The following TRIM33 variants were observed in gnomAD, a reference collection of about 807,000 sequenced individuals.
TRIM33 encodes the protein E3 ubiquitin-protein ligase TRIM33.
In TRIM33, 20 loss-of-function variants were observed where a neutral mutation model predicts 125.4. The observed-to-expected ratio is 0.16, with a 90% CI of 0.11 to 0.23. The LOEUF is 0.23. TRIM33 is among the 10% of genes least tolerant of loss of function. The pLI is 1.00. For synonymous variants in TRIM33, 564 were observed against 513.9 expected (o/e 1.10, Z -1.32); for missense variants, 920 against 1,411.4 (o/e 0.65, Z 5.58).
chr1:114,510,869 C>A lies in TRIM33; in HGVS notation c.208G>T (p.Ala70Ser), dbSNP rs1468308898. The change falls in exon 1 of 20, where the codon GCC (alanine) becomes TCC (serine). Residue 70 changes from alanine to serine, a missense_variant. By Grantham distance (99) the Ala-to-Ser change is moderately conservative. Around this residue, in one of 8 missense-constraint regions of TRIM33, gnomAD observed 233 missense variants for 189.6 expected, o/e 1.23. Transcript: ENST00000358465. ...GCAGCCTGGGCCGAGCCCGAGGAGGCCGCGGCCACCCCCCCGTCGTCGGGC... is the reference window on the plus strand; with the variant it reads ...GCAGCCTGGGCCGAGCCCGAGGAGGACGCGGCCACCCCCCCGTCGTCGGGC... ...AGPDDGGVAAASSGSAQAASS... is the reference protein window; with the variant it reads ...AGPDDGGVAASSSGSAQAASS... 12 of 1,463,254 alleles carry A rather than the reference C, an allele frequency of 8.2e-6. No homozygotes were observed. Among genetic ancestry groups the A allele is most frequent in the African/African-American group, 4.4e-5 (3 of 67,816 alleles). 90.6% of individuals were successfully genotyped at this position (1,463,254 alleles called of 1,614,324 possible).
intron 8 of TRIM33, among the ~76,000 whole-genome samples, chr1:114,426,004 T>A (rs1054284993): frequency 6.6e-6 from 1 of 152,180 alleles, no homozygotes; most frequent in Non-Finnish European, 1.5e-5. Flanking sequence ...AAAGAGATTA[T>A]CTATTAGAAG....
At position 114,491,211 on chromosome 1, in the gene TRIM33, T is replaced by C. The variant is rs150636049; in HGVS notation, c.526+19340A>G. On this transcript the variant is annotated intron_variant, in intron 1 of 19. Transcript: ENST00000358465. ...GTGGCTATATTAATATAAGATCAAA[T>C]AGACTTCAGAACAAAAATCAAAGGA... Among the ~76,000 whole-genome samples, 508 of 152,320 alleles carry C rather than the reference T, an allele frequency of 3.3e-3. 1 individual carries two copies. Among genetic ancestry groups the C allele is most frequent in the African/African-American group, 0.012 (486 of 41,574 alleles).
At chr1:114,507,270 G>A (rs534739600) in intron 1 of TRIM33, among the ~76,000 whole-genome samples, 18 of 152,342 alleles carry the variant, frequency 1.2e-4, no homozygotes, top group African/African-American at 4.1e-4. Context: ...CTACTGGACA[G>A]GAGGTCCGGA....
At chr1:114,461,081 C>T (rs1397466731) in intron 4 of TRIM33, among the ~76,000 whole-genome samples, 5 of 151,562 alleles carry the variant, frequency 3.3e-5, no homozygotes, top group African/African-American at 9.7e-5. Context: ...CTCAGTGGCT[C>T]ACATCTGTAA....
At chr1:114,491,179 T>C (rs1298548741) in intron 1 of TRIM33, among the ~76,000 whole-genome samples, 3 of 152,210 alleles carry the variant, frequency 2.0e-5, no homozygotes, top group Non-Finnish European at 4.4e-5. Flanking sequence ...GAATTAAGTT[T>C]TAATGAGTGG....
chr1:114,453,953 G>C (rs1649481116), intron 4 of TRIM33, among the ~76,000 whole-genome samples: 1 of 152,190 alleles, frequency 6.6e-6, no homozygotes, highest in Non-Finnish European at 1.5e-5. Flanking sequence ...ACTCTGCCCT[G>C]TGCATCTTTC....
At position 114,433,746 on chromosome 1, in the gene TRIM33, A is replaced by G. The variant is rs1648110194; in HGVS notation, c.924-13T>C. 1 of 1,431,344 alleles carries G rather than the reference A, an allele frequency of 7.0e-7. No individual in the cohort carries two copies. The highest frequency in any genetic ancestry group is 9.7e-7 in the Non-Finnish European group (1 of 1,028,384). 88.7% of individuals were successfully genotyped at this position (1,431,344 alleles called of 1,614,324 possible). A position where few individuals can be genotyped will look rare whatever the true frequency, so the allele number is the denominator to read the frequency against. On this transcript the variant is annotated splice_polypyrimidine_tract_variant and intron_variant, in intron 4 of 19. Coordinates refer to ENST00000358465, the MANE Select transcript of TRIM33 (RefSeq NM_015906.4). ...CAAAAACTGATACCTTAAAACCAAAACAAAACTACATTTAAAACAAAACAT... is the reference window on the plus strand; with the variant it reads ...CAAAAACTGATACCTTAAAACCAAAGCAAAACTACATTTAAAACAAAACAT...
intron 5 of TRIM33, among the ~76,000 whole-genome samples, chr1:114,431,634 A>C (rs746228146): frequency 2.8e-4 from 42 of 152,224 alleles, no homozygotes; most frequent in Non-Finnish European, 6.0e-4. Flanking sequence ...CATAAGACAT[A>C]GCTTCAATTT....
chr1:114,463,015 A>C lies in TRIM33; in HGVS notation c.923+89T>G, dbSNP rs569618671. The C allele has an allele frequency of 4.0e-6, 4 of 1,002,534 alleles. No homozygotes were observed. In the African/African-American group the frequency reaches 6.6e-5, roughly 17 times the overall value. The allele number at this position is 1,002,534 out of a possible 1,614,324, so 62.1% of individuals were successfully genotyped here. A position where few individuals can be genotyped will look rare whatever the true frequency, so the allele number is the denominator to read the frequency against. On this transcript the variant is annotated intron_variant, in intron 4 of 19. Coordinates refer to ENST00000358465, the MANE Select transcript of TRIM33 (RefSeq NM_015906.4). ...ACAGATTTAAAAGATTAAGACACAA[A>C]CATATAATCAATATTTGCTTTAAGA...
chr1:114,439,538 A>C (rs1301578850), intron 4 of TRIM33, among the ~76,000 whole-genome samples: 1 of 93,188 alleles, frequency 1.1e-5, no homozygotes, highest in Non-Finnish European at 2.5e-5. Flanking sequence ...GCCCTCCATC[A>C]AAAAAAAAAC....
At chr1:114,469,774 C>A (rs1650526700) in intron 1 of TRIM33, among the ~76,000 whole-genome samples, 1 of 152,044 alleles carries the variant, frequency 6.6e-6, no homozygotes, top group South Asian at 2.1e-4. Flanking sequence ...ATATGTTGCC[C>A]ACTCTTACAA....
chr1:114,406,915 C>T, intron 14 of TRIM33, 26 bp downstream of exon 14: 2 of 1,609,280 alleles, frequency 1.2e-6, no homozygotes, highest in Non-Finnish European at 1.7e-6. Flanking sequence ...TCCTTAAGTC[C>T]CTGTCAGACT....
chr1:114,394,472 C>T lies in TRIM33; in HGVS notation c.*3176G>A, dbSNP rs1571996203. On this transcript the variant is annotated 3_prime_UTR_variant, in exon 20 of 20. Transcript: ENST00000358465. ...CCTGCTGAGGTAATTGATAAATCTA[C>T]AATTTGCACACTTATAAACCTTTTA... 4.6e-6 allele frequency: 1 copy of T among 215,884 alleles called. No homozygotes were observed. Among genetic ancestry groups the T allele is most frequent in the Non-Finnish European group, 9.4e-6 (1 of 106,818 alleles). 13.4% of individuals were successfully genotyped at this position (215,884 alleles called of 1,614,324 possible).
rs1157498693 is a variant in TRIM33 at position 114,433,658 on chromosome 1, C to A, written c.999G>T (p.Lys333Asn). The change falls in exon 5 of 20, where the codon AAG becomes AAT. Residue 333 changes from lysine to asparagine, a missense_variant. Transcript: ENST00000358465. ...IENLLAKLLE[K>N]KNYVHFAATQ... ...TAGCTGCAAAATGAACATAATTCTT[C>A]TTCTCAAGAAGTTTCGCCAGTAGAT... The A allele has an allele frequency of 6.2e-7, 1 of 1,612,232 alleles. No individual in the cohort carries two copies. Among genetic ancestry groups the A allele is most frequent in the African/African-American group, 1.3e-5 (1 of 74,888 alleles).
At chr1:114,473,533 G>C (rs556392328) in intron 1 of TRIM33, among the ~76,000 whole-genome samples, 1 of 152,086 alleles carries the variant, frequency 6.6e-6, no homozygotes, top group African/African-American at 2.4e-5. Context: ...GCAGGAAATC[G>C]GAATGAATCA....
At chr1:114,449,453 G>A (rs1649186142) in intron 4 of TRIM33, among the ~76,000 whole-genome samples, 1 of 152,052 alleles carries the variant, frequency 6.6e-6, no homozygotes, top group African/African-American at 2.4e-5. Flanking sequence ...CACTCTCTTG[G>A]GTAACAGAAA....
Position 114,399,449 on chromosome 1 carries a change from T to C in TRIM33, c.3120+8A>G. The C allele has an allele frequency of 6.2e-7, 1 of 1,612,024 alleles. No homozygotes were observed. Among genetic ancestry groups the C allele is most frequent in the Non-Finnish European group, 8.5e-7 (1 of 1,178,760 alleles). ...AATCAAGACTCTATAGGTTGGAAGT[T>C]AACATACTTCATTAAACCTTTCACA... On this transcript the variant is annotated splice_region_variant and intron_variant, in intron 18 of 19. Transcript: ENST00000358465.
At chr1:114,440,667 G>A (rs1006616427) in intron 4 of TRIM33, among the ~76,000 whole-genome samples, 11 of 152,124 alleles carry the variant, frequency 7.2e-5, no homozygotes, top group Non-Finnish European at 1.0e-4. Flanking sequence ...TAATGGATGG[G>A]TTTTAATGGC....
intron 11 of TRIM33, among the ~76,000 whole-genome samples, chr1:114,414,551 C>T (rs981716147): frequency 2.0e-5 from 3 of 152,168 alleles, no homozygotes; most frequent in African/African-American, 7.2e-5. Context: ...TACCCCGCTT[C>T]CAGGTTTCAA....
Sources: gnomAD v4.1 joint callset for allele counts (sites outside exome capture counted in the v4.1 genomes callset) on GRCh38, gnomAD v4.1.1 for gene constraint, gnomAD v4.1.1 regional missense constraint, MANE v1.5 for transcripts, NCBI Gene and HGNC (gene_info 2026-07-23, HGNC 2026-07-21) for gene names.